Variants in SULT1C2 observed in about 807,000 individuals in gnomAD.
SULT1C2 encodes the protein sulfotransferase 1C2.
A neutral mutation model predicts 36.0 loss-of-function variants in SULT1C2; 27 were observed. The observed-to-expected ratio is 0.75, with a 90% CI of 0.55 to 1.03. The LOEUF is 1.03. Ranked by LOEUF, SULT1C2 falls within the 50% of genes least tolerant of loss-of-function variation. SULT1C2 has a pLI of 0.00. For synonymous variants in SULT1C2, 121 were observed against 116.0 expected (o/e 1.04, Z -0.27); for missense variants, 395 against 359.2 (o/e 1.10, Z -0.80).
At chr2:108,297,062 T>C (rs2104416137) in intron 3 of SULT1C2, among the ~76,000 whole-genome samples, 1 of 152,364 alleles carries the variant, frequency 6.6e-6, no homozygotes, top group East Asian at 1.9e-4. Flanking sequence ...TGTGCATGTG[T>C]ATGCATATGC....
In SULT1C2 at chr2:108,293,768, G is replaced by T. The variant is rs201685345; in HGVS notation, c.101G>T (p.Ser34Ile). 2.6e-5 allele frequency: 42 copies of T among 1,613,994 alleles called. No homozygotes were observed. The highest frequency in any genetic ancestry group is 3.2e-5 in the Non-Finnish European group (38 of 1,180,010). ...GTGGACAACTGGAGCCAGATCCAGAGCTTCGAGGCCAAACCAGATGATCTC... is the reference window on the plus strand; with the variant it reads ...GTGGACAACTGGAGCCAGATCCAGATCTTCGAGGCCAAACCAGATGATCTC... ...ATVDNWSQIQ[S>I]FEAKPDDLLI... Residue 34 changes from serine (S) to isoleucine (I), a missense_variant, in exon 2 of 8, where the codon AGC becomes ATC. Physicochemically the swap from Ser to Ile is moderately radical, Grantham distance 142 (BLOSUM62 -2). Coordinates refer to ENST00000251481, the MANE Select transcript of SULT1C2 (RefSeq NM_001056.4).
intron 4 of SULT1C2, chr2:108,303,476 C>T (rs1676941773): frequency 6.6e-6 from 1 of 152,276 alleles, no homozygotes; most frequent in Non-Finnish European, 1.5e-5. Context: ...CTTTCAGCCA[C>T]AGGGGCTTGG....
At chr2:108,290,940 T>C (rs1471395636) in intron 1 of SULT1C2, among the ~76,000 whole-genome samples, 2 of 152,212 alleles carry the variant, frequency 1.3e-5, no homozygotes, top group Non-Finnish European at 2.9e-5. Flanking sequence ...TAACAAATTA[T>C]CAAAAATTTA....
intron 4 of SULT1C2, 63 bp downstream of exon 4, chr2:108,300,998 G>A: frequency 1.2e-6 from 2 of 1,600,264 alleles, no homozygotes; most frequent in Admixed American, 1.7e-5. Context: ...GAGTCCTGCA[G>A]ACCCCAACGC....
chr2:108,306,368 G>A (rs1377558174), intron 7 of SULT1C2, among the ~76,000 whole-genome samples: 2 of 152,212 alleles, frequency 1.3e-5, no homozygotes, highest in Non-Finnish European at 2.9e-5. Context: ...GTTTTGGAAA[G>A]CTGAGGCATG....
chr2:108,294,228 G>A lies in SULT1C2; in HGVS notation c.152-1G>A, dbSNP rs1333939577. ...TCTCATCCTTCCTTTCTGAGCCTCA[G>A]GGACAACGTGGATTCAGGAAATTGT... On this transcript the variant is annotated splice_acceptor_variant, in intron 2 of 7. Coordinates refer to ENST00000251481, the MANE Select transcript of SULT1C2 (RefSeq NM_001056.4). LOFTEE classifies it high-confidence loss of function. The A allele has an allele frequency of 6.2e-7, 1 of 1,613,600 alleles. No individual in the cohort carries two copies. The highest frequency in any genetic ancestry group is 8.5e-7 in the Non-Finnish European group (1 of 1,179,842).
intron 3 of SULT1C2, chr2:108,300,556 ACT>A: frequency 2.2e-6 from 1 of 448,902 alleles, no homozygotes; most frequent in Non-Finnish European, 3.8e-6. Flanking sequence ...GTCCTGGCTG[ACT>A]CTGCCTCAGC....
intron 4 of SULT1C2, chr2:108,303,806 G>T (rs1676949297): frequency 6.6e-6 from 1 of 152,172 alleles, no homozygotes; most frequent in Non-Finnish European, 1.5e-5. Context: ...TCCAAGCTGT[G>T]CAACCAAAAA....
In SULT1C2 at chr2:108,293,834, G is replaced by T; in HGVS notation, c.151+16G>T. 6.2e-7 allele frequency: 1 copy of T among 1,611,472 alleles called. No individual in the cohort carries two copies. Among genetic ancestry groups the T allele is most frequent in the Middle Eastern group, 1.7e-4 (1 of 5,810 alleles). Reference sequence around the variant, plus strand: ...CCTAAAGCAGGTGATTGCAGGGTAGGAGGGACAGCAAAGACCTGCTGAGCC... The same window carrying T: ...CCTAAAGCAGGTGATTGCAGGGTAGTAGGGACAGCAAAGACCTGCTGAGCC... On this transcript the variant is annotated intron_variant, in intron 2 of 7. Transcript: ENST00000251481.
At position 108,305,239 on chromosome 2, in the gene SULT1C2, C is replaced by G. The variant is rs139870994; in HGVS notation, c.570C>G (p.Leu190=). Residue 190 remains leucine (L), a synonymous_variant, in exon 6 of 8, where the codon CTC becomes CTG. Transcript: ENST00000251481. ...WWEMKDRHQI[L]FLFYEDIKRD... ...AGATGAAAGACAGACACCAGATTCTCTTCCTCTTCTATGAGGACATAAAGA... is the reference window on the plus strand; with the variant it reads ...AGATGAAAGACAGACACCAGATTCTGTTCCTCTTCTATGAGGACATAAAGA... 14 of 1,614,090 alleles carry G rather than the reference C, an allele frequency of 8.7e-6. No individual in the cohort carries two copies. The highest frequency in any genetic ancestry group is 1.2e-5 in the Non-Finnish European group (14 of 1,180,040).
intron 3 of SULT1C2, among the ~76,000 whole-genome samples, chr2:108,297,794 A>G (rs1385118427): frequency 6.6e-6 from 1 of 151,086 alleles, no homozygotes; most frequent in Admixed American, 6.6e-5. Flanking sequence ...ACTCCACAGT[A>G]TCTCTCTCCT....
At chr2:108,300,466 G>A (rs932684887) in intron 3 of SULT1C2, 6 of 326,754 alleles carry the variant, frequency 1.8e-5, no homozygotes, top group Non-Finnish European at 3.3e-5. Flanking sequence ...CAAACAGGCC[G>A]GGTACATGAG....
chr2:108,294,438 CTT>C, intron 3 of SULT1C2, 84 bp downstream of exon 3: 1 of 1,495,738 alleles, frequency 6.7e-7, no homozygotes, highest in Non-Finnish European at 9.1e-7. Context: ...CTTTTCTCCT[CTT>C]CTCTCCTCTC....
intron 1 of SULT1C2, among the ~76,000 whole-genome samples, chr2:108,289,301 C>T (rs188948677): frequency 1.3e-5 from 2 of 152,248 alleles, no homozygotes; most frequent in South Asian, 2.1e-4. Flanking sequence ...TCCTGTAATA[C>T]TATCTCTGTC....
intron 4 of SULT1C2, 49 bp from the exon 5 acceptor site, chr2:108,304,525 A>G: frequency 1.9e-6 from 3 of 1,554,684 alleles, no homozygotes; most frequent in Non-Finnish European, 2.6e-6. Flanking sequence ...ACTCTGTGAA[A>G]GTCCACTTTT....
rs1247095319 is a variant in SULT1C2, at chr2:108,308,546, T to A, written c.*82T>A. Reference sequence around the variant, plus strand: ...TCCTTCAGTCCCAGCCAGAAGAATCTCTGAAAGCATATTGTGAATGTATAC... The same window carrying A: ...TCCTTCAGTCCCAGCCAGAAGAATCACTGAAAGCATATTGTGAATGTATAC... On this transcript the variant is annotated 3_prime_UTR_variant, in exon 8 of 8. Transcript: ENST00000251481. The A allele has an allele frequency of 6.1e-6, 7 of 1,148,806 alleles. No homozygotes were observed. The highest frequency in any genetic ancestry group is 1.6e-5 in the African/African-American group (1 of 63,920). 71.2% of individuals were successfully genotyped at this position (1,148,806 alleles called of 1,614,324 possible).
At position 108,308,377 on chromosome 2, in the gene SULT1C2, C is replaced by T. The variant is rs369374661; in HGVS notation, c.804C>T (p.His268=). Residue 268 remains histidine, a synonymous_variant, in exon 8 of 8, where the codon CAC becomes CAT. Coordinates refer to ENST00000251481, the MANE Select transcript of SULT1C2 (RefSeq NM_001056.4). ...GAACTGTGGGGGATTGGAAAAACCA[C>T]TTCACTGTTGCCCAGAATGAGAGGT... is the stretch of plus-strand genomic sequence containing the variant. ...RKGTVGDWKN[H]FTVAQNERFD... The T allele has an allele frequency of 7.4e-6, 12 of 1,612,206 alleles. No individual in the cohort carries two copies. The highest frequency in any genetic ancestry group is 5.4e-5 in the African/African-American group (4 of 74,766).
rs1411894819 is a variant in SULT1C2 at position 108,304,834 on chromosome 2, G to A, written c.502+134G>A. 3 of 1,249,910 alleles carry A rather than the reference G, an allele frequency of 2.4e-6. No homozygotes were observed. In the African/African-American group the frequency reaches 4.5e-5, roughly 19 times the overall value. The allele number at this position is 1,249,910 out of a possible 1,614,324, so 77.4% of individuals were successfully genotyped here. A position where few individuals can be genotyped will look rare whatever the true frequency, so the allele number is the denominator to read the frequency against. On this transcript the variant is annotated intron_variant, in intron 5 of 7. Transcript: ENST00000251481. Reference sequence around the variant, plus strand: ...TCCTACCACAGACTGGGACTGGGCAGAGCAAGCTGGCCACTGAGTGTATGC... The same window carrying A: ...TCCTACCACAGACTGGGACTGGGCAAAGCAAGCTGGCCACTGAGTGTATGC...
intron 4 of SULT1C2, 143 bp downstream of exon 4, chr2:108,301,078 T>G: frequency 2.8e-6 from 3 of 1,063,320 alleles, no homozygotes; most frequent in Non-Finnish European, 4.0e-6. Flanking sequence ...AACATAAAGT[T>G]CTACATTCAG....
Sources: gnomAD v4.1 joint callset for allele counts (sites outside exome capture counted in the v4.1 genomes callset) on GRCh38, gnomAD v4.1.1 for gene constraint, MANE v1.5 for transcripts, NCBI Gene and HGNC (gene_info 2026-07-23, HGNC 2026-07-21) for gene names.